Variants in CNTN4 observed in about 807,000 individuals in gnomAD.
CNTN4 encodes contactin-4.
In CNTN4, 77 loss-of-function variants were observed where a neutral mutation model predicts 122.5. The ratio of observed to expected loss-of-function variants is 0.63; its 90% CI spans 0.52 to 0.76. The LOEUF is 0.76. CNTN4 is among the 30% of genes least tolerant of loss of function. CNTN4 has a pLI of 0.00. For missense variants in CNTN4, 1,256 were observed against 1,259.1 expected, an observed-to-expected ratio of 1.00 and a Z score of 0.04; for synonymous variants, 512 against 447.0, an observed-to-expected ratio of 1.15 and a Z score of -1.83.
chr3:2,969,530 T>TGA (rs1474989278), intron 13 of CNTN4, among the ~76,000 whole-genome samples: 1 of 152,002 alleles, frequency 6.6e-6, no homozygotes, highest in Non-Finnish European at 1.5e-5. Context: ...ATTATTATTA[T>TGA]TATTATTATT....
At chr3:2,847,765 T>C (rs939665841) in intron 7 of CNTN4, among the ~76,000 whole-genome samples, 2 of 152,198 alleles carry the variant, frequency 1.3e-5, no homozygotes, top group Admixed American at 6.5e-5. Flanking sequence ...GCTCCTCTCC[T>C]GAATGTCCAC....
chr3:2,428,763 TGTTC>T (rs2047943521), intron 3 of CNTN4, among the ~76,000 whole-genome samples: 1 of 152,202 alleles, frequency 6.6e-6, no homozygotes, highest in South Asian at 2.1e-4. Flanking sequence ...TTGGAGGCTT[TGTTC>T]GTTTCTTTTT....
At chr3:2,347,078 G>T (rs532794809) in intron 3 of CNTN4, among the ~76,000 whole-genome samples, 1 of 152,116 alleles carries the variant, frequency 6.6e-6, no homozygotes, top group East Asian at 1.9e-4. Flanking sequence ...TTTTAAATTT[G>T]TTGTTCATCA....
chr3:2,639,315 A>G (rs2082800860), intron 4 of CNTN4, among the ~76,000 whole-genome samples: 1 of 152,018 alleles, frequency 6.6e-6, no homozygotes, highest in Non-Finnish European at 1.5e-5. Context: ...GCCCTGCCCC[A>G]CCTGTTAACA....
chr3:2,513,295 G>A (rs2076943294), intron 3 of CNTN4, among the ~76,000 whole-genome samples: 1 of 152,108 alleles, frequency 6.6e-6, no homozygotes, highest in Non-Finnish European at 1.5e-5. Flanking sequence ...TGAACCCTTA[G>A]CTATATTTTT....
intron 10 of CNTN4, among the ~76,000 whole-genome samples, chr3:2,900,070 C>A (rs2094156639): frequency 6.6e-6 from 1 of 152,184 alleles, no homozygotes; most frequent in African/African-American, 2.4e-5. Context: ...CTTTGCTCCA[C>A]ACAGTCATTC....
At position 2,744,074 on chromosome 3, in the gene CNTN4, C is replaced by T. The variant is rs529523746; in HGVS notation, c.183-1448C>T. 5.3e-5 allele frequency among the ~76,000 whole-genome samples: 8 copies of T among 152,204 alleles called. 1 individual carries two copies. Among genetic ancestry groups the T allele is most frequent in the Admixed American group, 1.3e-4 (2 of 15,270 alleles). ...AAGAGACCTGCCTGCTTCAGCCTCC[C>T]GAAGTGCCGAGATTACAGGCGTGAG... On this transcript the variant is annotated intron_variant, in intron 5 of 24. Coordinates refer to ENST00000418658, the MANE Select transcript of CNTN4 (RefSeq NM_175607.3).
intron 3 of CNTN4, among the ~76,000 whole-genome samples, chr3:2,463,799 A>G (rs1297216561): frequency 6.6e-6 from 1 of 152,172 alleles, no homozygotes; most frequent in African/African-American, 2.4e-5. Context: ...ACGTATTATT[A>G]AAATAGGAAT....
Position 2,455,718 on chromosome 3 carries a change from T to G in CNTN4, c.-88-115698T>G, listed in dbSNP as rs185325501. ...CAGACGTGTCTGAGTTTCTTGCCTC[T>G]TCGGGTAGTCATTCCTGAAGTGTGT... is the stretch of plus-strand genomic sequence containing the variant. On this transcript the variant is annotated intron_variant, in intron 3 of 24. Transcript: ENST00000418658. 5.9e-5 allele frequency among the ~76,000 whole-genome samples: 9 copies of G among 152,210 alleles called. No homozygotes were observed. In the East Asian group the frequency reaches 1.7e-3, roughly 29 times the overall value.
intron 4 of CNTN4, among the ~76,000 whole-genome samples, chr3:2,710,660 C>T (rs62232725): frequency 0.01 from 1,553 of 152,110 alleles, 16 homozygotes; most frequent in South Asian, 0.028. Context: ...TCTGGCCACC[C>T]GTGGACTTGT....
At chr3:3,040,608 A>C (rs1700072064) in intron 20 of CNTN4, among the ~76,000 whole-genome samples, 1 of 152,248 alleles carries the variant, frequency 6.6e-6, no homozygotes, top group Admixed American at 6.5e-5. Flanking sequence ...ATCAAAATAT[A>C]ATTTGCATTT....
At chr3:2,792,888 T>C (rs954011153) in intron 6 of CNTN4, among the ~76,000 whole-genome samples, 2 of 152,238 alleles carry the variant, frequency 1.3e-5, no homozygotes, top group African/African-American at 4.8e-5. Flanking sequence ...CAAATACCAG[T>C]ATTTATGGAA....
chr3:2,341,739 C>G (rs1272500970), intron 3 of CNTN4, among the ~76,000 whole-genome samples: 1 of 152,130 alleles, frequency 6.6e-6, no homozygotes, highest in Non-Finnish European at 1.5e-5. Flanking sequence ...ATAGTAATTT[C>G]AAAAATAAAA....
At chr3:2,466,582 CAGAA>C (rs547422207) in intron 3 of CNTN4, among the ~76,000 whole-genome samples, 1 of 152,114 alleles carries the variant, frequency 6.6e-6, no homozygotes, top group Non-Finnish European at 1.5e-5. Context: ...GCTGGTGTGG[CAGAA>C]AGACTCTTGT....
At chr3:2,822,791 C>G (rs1284391568) in intron 7 of CNTN4, among the ~76,000 whole-genome samples, 3 of 152,172 alleles carry the variant, frequency 2.0e-5, no homozygotes, top group African/African-American at 7.2e-5. Flanking sequence ...CCATAGACAT[C>G]TACTGAAATG....
At chr3:2,853,939 A>T (rs2093588567) in intron 7 of CNTN4, among the ~76,000 whole-genome samples, 1 of 152,172 alleles carries the variant, frequency 6.6e-6, no homozygotes, top group Non-Finnish European at 1.5e-5. Flanking sequence ...CCAATTGACG[A>T]AGCATTGCTA....
intron 6 of CNTN4, among the ~76,000 whole-genome samples, chr3:2,770,379 A>G (rs2091041745): frequency 6.6e-6 from 1 of 152,068 alleles, no homozygotes; most frequent in Admixed American, 6.5e-5. Context: ...GAGATTTAAA[A>G]CCATTTGCTA....
At chr3:2,748,760 C>A (rs1361325151) in intron 6 of CNTN4, among the ~76,000 whole-genome samples, 1 of 152,186 alleles carries the variant, frequency 6.6e-6, no homozygotes, top group Non-Finnish European at 1.5e-5. Flanking sequence ...CGTCTTGAGC[C>A]TTTCCTTAAC....
At chr3:2,775,048 A>T (rs59981120) in intron 6 of CNTN4, among the ~76,000 whole-genome samples, 1 of 152,160 alleles carries the variant, frequency 6.6e-6, no homozygotes, top group African/African-American at 2.4e-5. Context: ...TATTCATCAT[A>T]TGCTCTGTGG....
Sources: gnomAD v4.1 joint callset for allele counts (sites outside exome capture counted in the v4.1 genomes callset) on GRCh38, gnomAD v4.1.1 for gene constraint, MANE v1.5 for transcripts, NCBI Gene and HGNC (gene_info 2026-07-23, HGNC 2026-07-21) for gene names.